ZBTB8OS: variants seen among roughly 807,000 people sequenced by gnomAD.
The protein encoded by ZBTB8OS is tRNA-splicing ligase-activating factor archease.
ZBTB8OS carries 16 observed loss-of-function variants against 29.3 expected under a neutral mutation model. That is an observed-to-expected ratio of 0.55 (90% CI 0.37 to 0.83). The LOEUF (loss-of-function observed/expected upper bound fraction) is 0.83, where lower values mean the gene tolerates loss of function less well. Ranked by LOEUF, ZBTB8OS falls within the 40% of genes least tolerant of loss-of-function variation. The pLI is 0.00. For synonymous variants in ZBTB8OS, 70 were observed against 64.6 expected, an observed-to-expected ratio of 1.08 and a Z score of -0.40; for missense variants, 160 against 196.9, an observed-to-expected ratio of 0.81 and a Z score of 1.12.
chr1:32,630,867 G>A (rs1645495846), intron 5 of ZBTB8OS, among the ~76,000 whole-genome samples: 1 of 151,894 alleles, frequency 6.6e-6, no homozygotes, highest in African/African-American at 2.4e-5. Context: ...CAAAAAATTA[G>A]CCAGGCGTGG....
chr1:32,637,786 C>T (rs1646095553), intron 1 of ZBTB8OS, among the ~76,000 whole-genome samples: 1 of 152,148 alleles, frequency 6.6e-6, no homozygotes, highest in African/African-American at 2.4e-5. Context: ...TTTATAAAAA[C>T]TCACTGGACT....
At chr1:32,640,941 G>A (rs1001887122) in intron 1 of ZBTB8OS, among the ~76,000 whole-genome samples, 8 of 148,834 alleles carry the variant, frequency 5.4e-5, no homozygotes, top group Non-Finnish European at 1.0e-4. Context: ...GAGGTGGGCC[G>A]ATCACCTGAG....
At chr1:32,630,569 C>CA (rs1261161697) in intron 5 of ZBTB8OS, among the ~76,000 whole-genome samples, 1 of 151,320 alleles carries the variant, frequency 6.6e-6, no homozygotes, top group Admixed American at 6.6e-5. Context: ...ATCAATCAAT[C>CA]AATCAAATTA....
chr1:32,622,093 AT>A, intron 6 of ZBTB8OS, 145 bp from the exon 7 acceptor site: 3 of 598,912 alleles, frequency 5.0e-6, no homozygotes, highest in Non-Finnish European at 8.4e-6. Context: ...TAGTTATCAA[AT>A]TAGGAGAATA....
chr1:32,638,541 T>A (rs1646165410), intron 1 of ZBTB8OS, among the ~76,000 whole-genome samples: 2 of 152,134 alleles, frequency 1.3e-5, no homozygotes, highest in South Asian at 4.1e-4. Flanking sequence ...GAGCTTTTGT[T>A]AATATGGGTT....
intron 5 of ZBTB8OS, among the ~76,000 whole-genome samples, chr1:32,631,464 C>T (rs951319299): frequency 6.6e-6 from 1 of 151,690 alleles, no homozygotes; most frequent in Non-Finnish European, 1.5e-5. Flanking sequence ...TGTTTGCAAA[C>T]TCTGGAAGGA....
chr1:32,645,761 G>A (rs1328385335), intron 1 of ZBTB8OS, among the ~76,000 whole-genome samples: 2 of 152,132 alleles, frequency 1.3e-5, no homozygotes, highest in Non-Finnish European at 2.9e-5. Context: ...CTCTGGAGTA[G>A]CTGGGACTAC....
chr1:32,631,740 AT>A, intron 5 of ZBTB8OS, 86 bp downstream of exon 5: 1 of 1,057,502 alleles, frequency 9.5e-7, no homozygotes, highest in African/African-American at 1.6e-5. Context: ...TGGCCCTCTG[AT>A]TTATGTTTCC....
chr1:32,648,859 A>G (rs947768250), intron 1 of ZBTB8OS, among the ~76,000 whole-genome samples: 1 of 149,976 alleles, frequency 6.7e-6, no homozygotes, highest in Non-Finnish European at 1.5e-5. Context: ...GGGTTTCACC[A>G]TGTTGGCCAG....
At chr1:32,636,893 C>A (rs1480679758) in intron 1 of ZBTB8OS, among the ~76,000 whole-genome samples, 1 of 151,946 alleles carries the variant, frequency 6.6e-6, no homozygotes, top group Non-Finnish European at 1.5e-5. Flanking sequence ...ATGTGAATAT[C>A]CATCTCTTAC....
At position 32,633,659 on chromosome 1, in the gene ZBTB8OS, A is replaced by C; in HGVS notation, c.313T>G (p.Phe105Val). The change falls in exon 4 of 7, where the codon TTC becomes GTC. Residue 105 changes from phenylalanine (F) to valine (V), a missense_variant. Phe to Val is a conservative substitution (Grantham distance 50). Transcript: ENST00000468695. ...EWLYKFSADE[F>V]FIPREVKVLS... ...CCTTTGCTTACCCGGGGTATGAAGAATTCATCAGCACTGAACTTATAAAGC... is the reference window on the plus strand; with the variant it reads ...CCTTTGCTTACCCGGGGTATGAAGACTTCATCAGCACTGAACTTATAAAGC... 2 of 1,604,842 alleles carry C rather than the reference A, an allele frequency of 1.2e-6. No homozygotes were observed. The highest frequency in any genetic ancestry group is 1.7e-6 in the Non-Finnish European group (2 of 1,177,792).
At chr1:32,643,308 G>A (rs186239007) in intron 1 of ZBTB8OS, among the ~76,000 whole-genome samples, 107 of 151,768 alleles carry the variant, frequency 7.1e-4, no homozygotes, top group South Asian at 5.0e-3. Context: ...CCCGACCTCA[G>A]GTGATTCACC....
At chr1:32,631,755 T>C in intron 5 of ZBTB8OS, 72 bp downstream of exon 5, 8 of 1,176,314 alleles carry the variant, frequency 6.8e-6, no homozygotes, top group Middle Eastern at 1.9e-4. Flanking sequence ...TGTTTCCATC[T>C]GTTTCCTTGC....
At chr1:32,626,639 C>T (rs1460148141) in intron 6 of ZBTB8OS, among the ~76,000 whole-genome samples, 3 of 152,128 alleles carry the variant, frequency 2.0e-5, no homozygotes, top group Non-Finnish European at 2.9e-5. Context: ...ACCTCTGCCA[C>T]CCAGGTTAAA....
intron 1 of ZBTB8OS, among the ~76,000 whole-genome samples, chr1:32,640,321 C>T (rs1268659267): frequency 1.3e-5 from 2 of 152,054 alleles, no homozygotes; most frequent in Non-Finnish European, 2.9e-5. Context: ...AGACTGGTCT[C>T]GAACTCCTGA....
At chr1:32,622,100 G>A (rs1644796253) in intron 6 of ZBTB8OS, 152 bp from the exon 7 acceptor site, 9 of 577,586 alleles carry the variant, frequency 1.6e-5, no homozygotes, top group South Asian at 9.9e-5. Context: ...CAAATTAGGA[G>A]AATATACAGG....
chr1:32,639,530 CAGG>C (rs1365139570), intron 1 of ZBTB8OS, among the ~76,000 whole-genome samples: 2 of 152,050 alleles, frequency 1.3e-5, no homozygotes, highest in Non-Finnish European at 2.9e-5. Flanking sequence ...GAGGCTGAGG[CAGG>C]AGGACAGCAT....
At chr1:32,646,018 T>C (rs551132470) in intron 1 of ZBTB8OS, among the ~76,000 whole-genome samples, 1 of 152,130 alleles carries the variant, frequency 6.6e-6, no homozygotes, top group Non-Finnish European at 1.5e-5. Context: ...TACATCATAC[T>C]TCAATAAAAG....
chr1:32,643,553 T>G (rs936892730), intron 1 of ZBTB8OS, among the ~76,000 whole-genome samples: 1 of 151,522 alleles, frequency 6.6e-6, no homozygotes, highest in African/African-American at 2.4e-5. Context: ...TGGAGTGCAG[T>G]GGCATGATCT....
Sources: allele counts gnomAD v4.1 joint callset (sites outside exome capture counted in the v4.1 genomes callset), GRCh38; gene constraint gnomAD v4.1.1; transcripts MANE v1.5; gene names NCBI Gene and HGNC (gene_info 2026-07-23, HGNC 2026-07-21).